The following GRK3 variants were observed in gnomAD, a reference collection of about 807,000 sequenced individuals.
GRK3 encodes adrenergic, beta, receptor kinase 2.
GRK3 carries 54 observed loss-of-function variants against 95.7 expected under a neutral mutation model. The ratio of observed to expected loss-of-function variants is 0.56; its 90% CI spans 0.45 to 0.71. The LOEUF (loss-of-function observed/expected upper bound fraction) is 0.71, where lower values mean the gene tolerates loss of function less well. Ranked by LOEUF, GRK3 falls within the 30% of genes least tolerant of loss-of-function variation. GRK3 has a pLI of 0.00. For synonymous variants in GRK3, 281 were observed against 290.8 expected, an observed-to-expected ratio of 0.97 and a Z score of 0.34; for missense variants, 649 against 851.2, an observed-to-expected ratio of 0.76 and a Z score of 2.96.
chr22:25,630,485 G>A (rs2084656743), intron 2 of GRK3, among the ~76,000 whole-genome samples: 1 of 152,160 alleles, frequency 6.6e-6, no homozygotes, highest in South Asian at 2.1e-4. Context: ...AGGAGTATTA[G>A]CATGGTGGCA....
chr22:25,667,883 A>G, intron 6 of GRK3, 83 bp downstream of exon 6: 1 of 779,228 alleles, frequency 1.3e-6, no homozygotes, highest in African/African-American at 1.7e-5. Context: ...TGACCTTAAA[A>G]TGTGTGTTAA....
intron 1 of GRK3, among the ~76,000 whole-genome samples, chr22:25,586,855 C>G (rs1281706275): frequency 6.6e-6 from 1 of 151,998 alleles, no homozygotes; most frequent in East Asian, 1.9e-4. Context: ...CTGCAGTACA[C>G]TAAGGGGTTT....
chr22:25,675,245 G>A (rs973210207), intron 8 of GRK3, among the ~76,000 whole-genome samples: 2 of 152,308 alleles, frequency 1.3e-5, no homozygotes, highest in African/African-American at 2.4e-5. Flanking sequence ...AGCATAAGCC[G>A]TTGTGGCATT....
chr22:25,660,231 A>C (rs962375668), intron 3 of GRK3, among the ~76,000 whole-genome samples: 4 of 152,124 alleles, frequency 2.6e-5, no homozygotes, highest in Non-Finnish European at 4.4e-5. Context: ...CCATATTCAC[A>C]TCTGGTATGG....
intron 2 of GRK3, among the ~76,000 whole-genome samples, chr22:25,622,740 A>G (rs1182033745): frequency 1.3e-5 from 2 of 152,160 alleles, no homozygotes; most frequent in African/African-American, 2.4e-5. Context: ...CCCCTGTCGC[A>G]TTTAGGAAGT....
At chr22:25,637,765 C>G (rs950472001) in intron 2 of GRK3, among the ~76,000 whole-genome samples, 3 of 152,154 alleles carry the variant, frequency 2.0e-5, no homozygotes, top group African/African-American at 7.2e-5. Flanking sequence ...CAGAAAGAGA[C>G]TTATTGTAAG....
chr22:25,693,639 T>A (rs1292741417), intron 12 of GRK3, among the ~76,000 whole-genome samples: 1 of 152,182 alleles, frequency 6.6e-6, no homozygotes, highest in African/African-American at 2.4e-5. Flanking sequence ...CCATTTTCAC[T>A]GTTGGATAAA....
At chr22:25,643,441 C>A (rs114806781) in intron 2 of GRK3, among the ~76,000 whole-genome samples, 2,650 of 152,294 alleles carry the variant, frequency 0.017, 78 homozygotes, top group African/African-American at 0.061. Flanking sequence ...GTTACAAGAT[C>A]CTTATGCTAA....
intron 3 of GRK3, among the ~76,000 whole-genome samples, chr22:25,650,029 T>A (rs1314567932): frequency 6.6e-6 from 1 of 151,878 alleles, no homozygotes; most frequent in Non-Finnish European, 1.5e-5. Context: ...TCTTACCCTG[T>A]TGCCCAGGCT....
intron 3 of GRK3, among the ~76,000 whole-genome samples, chr22:25,659,858 C>T (rs2084898773): frequency 6.6e-6 from 1 of 152,172 alleles, no homozygotes; most frequent in South Asian, 2.1e-4. Context: ...ATGATTTACC[C>T]AGAAATGATG....
intron 13 of GRK3, among the ~76,000 whole-genome samples, chr22:25,695,481 A>G (rs994327559): frequency 3.3e-5 from 5 of 152,158 alleles, no homozygotes; most frequent in Non-Finnish European, 7.4e-5. Flanking sequence ...GACTGCTTCG[A>G]ATTTTTTTCT....
rs373875084 is a variant in GRK3 at position 25,614,255 on chromosome 22, G to A, written c.190+9802G>A. On this transcript the variant is annotated intron_variant, in intron 2 of 20. Coordinates refer to ENST00000324198, the MANE Select transcript of GRK3 (RefSeq NM_005160.4). Reference sequence around the variant, plus strand: ...CAGTCCTCCTGCCTCAGCCTCCCGAGTAGCTAGGACTACAGGCACAGGCAT... The same window carrying A: ...CAGTCCTCCTGCCTCAGCCTCCCGAATAGCTAGGACTACAGGCACAGGCAT... Among the ~76,000 whole-genome samples the A allele has an allele frequency of 1.3e-3, 203 of 152,144 alleles. 4 individuals are homozygous for A. In the South Asian group the frequency reaches 0.041, roughly 31 times the overall value.
rs142477890 is a variant in GRK3 at position 25,576,800 on chromosome 22, C to T, written c.113+11647C>T. On this transcript the variant is annotated intron_variant, in intron 1 of 20. Transcript: ENST00000324198. ...CTAGAGGAGCACTGTCAATTTCAGA[C>T]GTTAGTGACACAATTTGAAAATGCA... 4.0e-4 allele frequency among the ~76,000 whole-genome samples: 61 copies of T among 152,202 alleles called. 1 individual carries two copies. In the Middle Eastern group the frequency reaches 0.027, roughly 68 times the overall value.
chr22:25,627,335 C>T (rs2084635105), intron 2 of GRK3, among the ~76,000 whole-genome samples: 1 of 152,232 alleles, frequency 6.6e-6, no homozygotes, highest in African/African-American at 2.4e-5. Flanking sequence ...GAGGCTGGAT[C>T]CCTTAGCCTG....
intron 5 of GRK3, among the ~76,000 whole-genome samples, chr22:25,665,970 C>T (rs1247732034): frequency 6.6e-6 from 1 of 152,192 alleles, no homozygotes; most frequent in African/African-American, 2.4e-5. Context: ...GCTCGGCTCT[C>T]AGTATTCTGA....
intron 1 of GRK3, among the ~76,000 whole-genome samples, chr22:25,580,836 T>C (rs1443713580): frequency 1.3e-5 from 2 of 152,116 alleles, no homozygotes; most frequent in African/African-American, 4.8e-5. Flanking sequence ...AAAATAAAGG[T>C]GGGATAAGTC....
chr22:25,673,776 C>G (rs1269931815), intron 7 of GRK3, among the ~76,000 whole-genome samples: 1 of 151,996 alleles, frequency 6.6e-6, no homozygotes, highest in Admixed American at 6.6e-5. Context: ...ATTATTAAAT[C>G]TAATGATGAA....
chr22:25,687,290 G>A (rs1198027661), intron 10 of GRK3, among the ~76,000 whole-genome samples: 1 of 152,158 alleles, frequency 6.6e-6, no homozygotes, highest in Admixed American at 6.5e-5. Context: ...TGAGCTGTCA[G>A]CCTGAGAATG....
Position 25,727,972 on chromosome 22 carries a change from C to T in GRK3, c.*5522C>T, listed in dbSNP as rs1296809405. ...GGCTTTTTCTGGATAGCATAAAGATCACTGAACTATATATATATAAGAAAC... is the reference window on the plus strand; with the variant it reads ...GGCTTTTTCTGGATAGCATAAAGATTACTGAACTATATATATATAAGAAAC... On this transcript the variant is annotated 3_prime_UTR_variant, in exon 21 of 21. Coordinates refer to ENST00000324198, the MANE Select transcript of GRK3 (RefSeq NM_005160.4). The T allele has an allele frequency of 6.6e-6, 1 of 151,772 alleles. No individual in the cohort carries two copies. The highest frequency in any genetic ancestry group is 2.4e-5 in the African/African-American group (1 of 41,200). The allele number at this position is 151,772 out of a possible 1,614,324, so 9.4% of individuals were successfully genotyped here.
Sources: allele counts gnomAD v4.1 joint callset (sites outside exome capture counted in the v4.1 genomes callset), GRCh38; gene constraint gnomAD v4.1.1; transcripts MANE v1.5; gene names NCBI Gene and HGNC (gene_info 2026-07-23, HGNC 2026-07-21).